ANKS1A: variants seen among roughly 807,000 people sequenced by gnomAD.
The protein encoded by ANKS1A is ankyrin repeat and sterile alpha motif domain containing 1A, also known as ankyrin repeat and SAM domain-containing protein 1A.
In ANKS1A, 55 loss-of-function variants were observed where a neutral mutation model predicts 120.3. The observed-to-expected ratio is 0.46, with a 90% CI of 0.37 to 0.57. The LOEUF (loss-of-function observed/expected upper bound fraction) is 0.57. ANKS1A is among the 20% of genes least tolerant of loss of function. ANKS1A has a pLI of 0.00. For missense variants in ANKS1A, 1,123 were observed against 1,480.3 expected, an observed-to-expected ratio of 0.76 and a Z score of 3.96; for synonymous variants, 590 against 604.7, an observed-to-expected ratio of 0.98 and a Z score of 0.36.
intron 1 of ANKS1A, among the ~76,000 whole-genome samples, chr6:34,902,685 C>T (rs1487757140): frequency 6.6e-6 from 1 of 151,750 alleles, no homozygotes; most frequent in Non-Finnish European, 1.5e-5. Context: ...TGGCTGTAGT[C>T]CCAGCTACTC....
intron 11 of ANKS1A, among the ~76,000 whole-genome samples, chr6:35,029,444 G>A (rs1421337274): frequency 6.6e-6 from 1 of 150,982 alleles, no homozygotes; most frequent in Non-Finnish European, 1.5e-5. Flanking sequence ...CATCTCCTGG[G>A]TTCAAGCTGT....
At chr6:35,009,780 A>G (rs1773649539) in intron 10 of ANKS1A, 2 of 172,502 alleles carry the variant, frequency 1.2e-5, no homozygotes, top group South Asian at 2.3e-4. Context: ...GTGCAAGCCT[A>G]TAATCCCAGT....
chr6:35,031,910 G>T (rs1005228616), intron 11 of ANKS1A, among the ~76,000 whole-genome samples: 4 of 152,012 alleles, frequency 2.6e-5, no homozygotes, highest in Non-Finnish European at 5.9e-5. Flanking sequence ...CCTACACGTT[G>T]GTTTATACTA....
rs1236594403 is a variant in ANKS1A, at chr6:35,084,054, G to GCT, written c.2995-66_2995-65dup. 6 of 1,596,084 alleles carry GCT rather than the reference G, an allele frequency of 3.8e-6. No individual in the cohort carries two copies. Among genetic ancestry groups the GCT allele is most frequent in the Non-Finnish European group, 5.1e-6 (6 of 1,169,168 alleles). On this transcript the variant is annotated intron_variant, in intron 20 of 23. Coordinates refer to ENST00000360359, the MANE Select transcript of ANKS1A (RefSeq NM_015245.3). The surrounding 1 kb of genome is among the most constrained non-coding windows in gnomAD (Gnocchi z 4.8). ...CAGAGAACAGTGACAATGGTAACAG[G>GCT]CTGGGGCAGGGGGTGCCAGAGGCAT...
chr6:34,936,405 G>C (rs968667823), intron 1 of ANKS1A, among the ~76,000 whole-genome samples: 7 of 152,214 alleles, frequency 4.6e-5, no homozygotes, highest in African/African-American at 1.7e-4. Context: ...TCAGGTCTGT[G>C]ACTGTCAAGC....
intron 3 of ANKS1A, among the ~76,000 whole-genome samples, chr6:34,978,074 T>C (rs1771698187): frequency 6.6e-6 from 1 of 152,088 alleles, no homozygotes; most frequent in Admixed American, 6.5e-5. Flanking sequence ...TTCTCCTGCC[T>C]CAGCATCCTG....
At chr6:35,000,127 GT>G (rs1773083363) in intron 10 of ANKS1A, among the ~76,000 whole-genome samples, 1 of 152,096 alleles carries the variant, frequency 6.6e-6, no homozygotes. Context: ...TGTTGTCAGT[GT>G]AGTCAGTGTA....
At chr6:35,038,024 A>G (rs748964449) in intron 11 of ANKS1A, among the ~76,000 whole-genome samples, 8 of 152,118 alleles carry the variant, frequency 5.3e-5, no homozygotes, top group Admixed American at 1.3e-4. Flanking sequence ...GGCTGGCGTC[A>G]GGTCTCTTTG....
At chr6:35,062,587 C>T (rs566417677) in intron 13 of ANKS1A, among the ~76,000 whole-genome samples, 83 of 152,160 alleles carry the variant, frequency 5.5e-4, no homozygotes, top group Non-Finnish European at 1.1e-3. Flanking sequence ...GTCTGAGGAG[C>T]GTCTGGAAAC....
chr6:35,007,307 G>A (rs933463207), intron 10 of ANKS1A, among the ~76,000 whole-genome samples: 1 of 152,104 alleles, frequency 6.6e-6, no homozygotes, highest in Non-Finnish European at 1.5e-5. Flanking sequence ...TGGCAGAAGT[G>A]GAAAGCCTTA....
chr6:35,071,737 T>C (rs1037123588), intron 13 of ANKS1A, among the ~76,000 whole-genome samples: 1 of 152,252 alleles, frequency 6.6e-6, no homozygotes. Context: ...GGTTTGGATG[T>C]GTCAGGGTCC....
At chr6:34,920,284 T>C (rs1768368418) in intron 1 of ANKS1A, among the ~76,000 whole-genome samples, 1 of 151,444 alleles carries the variant, frequency 6.6e-6, no homozygotes, top group African/African-American at 2.4e-5. Context: ...GGCGCAATCA[T>C]AGCTCACTGC....
intron 9 of ANKS1A, among the ~76,000 whole-genome samples, chr6:34,992,805 C>T (rs1772644465): frequency 6.6e-6 from 1 of 152,162 alleles, no homozygotes; most frequent in Admixed American, 6.5e-5. Context: ...TGTCCTTTTG[C>T]CTTTAGAGTG....
At chr6:34,980,871 A>G (rs1051266880) in intron 3 of ANKS1A, among the ~76,000 whole-genome samples, 1 of 152,236 alleles carries the variant, frequency 6.6e-6, no homozygotes, top group African/African-American at 2.4e-5. Context: ...TTGAAACAAA[A>G]TTGGCATTAG....
chr6:34,934,375 C>G (rs943940863), intron 1 of ANKS1A, among the ~76,000 whole-genome samples: 2 of 152,172 alleles, frequency 1.3e-5, no homozygotes, highest in African/African-American at 4.8e-5. Flanking sequence ...GTCTCTATCT[C>G]CTGACCTTGT....
rs201552573 is a variant in ANKS1A at position 35,060,123 on chromosome 6, G to T, written c.2078-24G>T. The T allele has an allele frequency of 1.3e-6, 2 of 1,599,116 alleles. No individual in the cohort carries two copies. On this transcript the variant is annotated intron_variant, in intron 12 of 23. Coordinates refer to ENST00000360359, the MANE Select transcript of ANKS1A (RefSeq NM_015245.3). The surrounding 1 kb of genome is among the most constrained non-coding windows in gnomAD (Gnocchi z 4.5). Reference sequence around the variant, plus strand: ...CTTAATGGTTTTTCCCTTTTCAAGCGTCTGCCGATTCCTCTCTCATCAGGT... The same window carrying T: ...CTTAATGGTTTTTCCCTTTTCAAGCTTCTGCCGATTCCTCTCTCATCAGGT...
rs115632008 is a variant in ANKS1A at position 34,944,702 on chromosome 6, C to T, written c.198-22537C>T. On this transcript the variant is annotated intron_variant, in intron 1 of 23. Transcript: ENST00000360359. ...AATCTGCACATATGAAATGGTGGCCCTCTGAATATGCAGGTTTTCCATCTG... is the reference window on the plus strand; with the variant it reads ...AATCTGCACATATGAAATGGTGGCCTTCTGAATATGCAGGTTTTCCATCTG... 4.2e-3 allele frequency among the ~76,000 whole-genome samples: 645 copies of T among 152,174 alleles called. 4 individuals are homozygous for T. The highest frequency in any genetic ancestry group is 0.015 in the African/African-American group (603 of 41,508).
Position 35,090,683 on chromosome 6 carries a change from T to G in ANKS1A, c.*2074T>G. 22 of 989,090 alleles carry G rather than the reference T, an allele frequency of 2.2e-5. No individual in the cohort carries two copies. The highest frequency in any genetic ancestry group is 2.6e-5 in the Non-Finnish European group (22 of 832,400). The allele number at this position is 989,090 out of a possible 1,614,324, so 61.3% of individuals were successfully genotyped here. On this transcript the variant is annotated 3_prime_UTR_variant, in exon 24 of 24. Transcript: ENST00000360359. ...GGTAGTCTCCCTTTCCTAGAAAGGT[T>G]ATTATAACTTTAAGGACAGGCTTCA...
At chr6:34,951,621 G>C (rs1056325984) in intron 1 of ANKS1A, among the ~76,000 whole-genome samples, 1 of 152,104 alleles carries the variant, frequency 6.6e-6, no homozygotes, top group Non-Finnish European at 1.5e-5. Context: ...TTTCATTTGA[G>C]ACATTTATCC....
Sources: gnomAD v4.1 joint callset for allele counts (sites outside exome capture counted in the v4.1 genomes callset) on GRCh38, gnomAD v4.1.1 for gene constraint, Gnocchi (gnomAD v3.1) non-coding constraint, MANE v1.5 for transcripts, NCBI Gene and HGNC (gene_info 2026-07-23, HGNC 2026-07-21) for gene names.